NELL2: variants seen among roughly 807,000 people sequenced by gnomAD.
NELL2 encodes neural EGFL like 2.
Under a neutral mutation model 109.6 loss-of-function variants are expected in NELL2, and 41 were observed. The ratio of observed to expected loss-of-function variants is 0.37; its 90% confidence interval spans 0.29 to 0.49. The LOEUF is 0.49. Among genes scored for constraint, NELL2 ranks in the 20% least tolerant of loss-of-function variants. NELL2 has a pLI of 0.98. For synonymous variants in NELL2, 355 were observed against 344.7 expected (o/e 1.03, Z -0.33); for missense variants, 900 against 1,008.3 (o/e 0.89, Z 1.45).
intron 2 of NELL2, among the ~76,000 whole-genome samples, chr12:44,854,892 T>C (rs1944639517): frequency 6.6e-6 from 1 of 152,130 alleles, no homozygotes; most frequent in African/African-American, 2.4e-5. Context: ...AGTTTTGCCG[T>C]TTACACCAGT....
At position 44,521,529 on chromosome 12, in the gene NELL2, CA is replaced by C. The variant is rs56713964; in HGVS notation, c.2175+470del. 1.8e-3 allele frequency among the ~76,000 whole-genome samples: 197 copies of C among 111,266 alleles called. 1 individual carries two copies. The highest frequency in any genetic ancestry group is 4.7e-3 in the Middle Eastern group (1 of 212). The allele number at this position is 111,266 out of a possible 152,430, so 73.0% of individuals were successfully genotyped here. A position where few individuals can be genotyped will look rare whatever the true frequency, so the allele number is the denominator to read the frequency against. ...TGGGCGACAGAGCGAGACTCCGTCTCAAAAAAAAAAAAAGAAGGTTGCGGTG... is the reference window on the plus strand; with the variant it reads ...TGGGCGACAGAGCGAGACTCCGTCTCAAAAAAAAAAAAGAAGGTTGCGGTG... On this transcript the variant is annotated intron_variant, in intron 18 of 19. Coordinates refer to ENST00000429094, the MANE Select transcript of NELL2 (RefSeq NM_001145108.2).
chr12:44,555,077 G>C (rs1054417195), intron 15 of NELL2, among the ~76,000 whole-genome samples: 8 of 152,194 alleles, frequency 5.3e-5, no homozygotes, highest in Middle Eastern at 3.2e-3. Flanking sequence ...ATTCTTCGTA[G>C]ATGATGCTGA....
intron 12 of NELL2, among the ~76,000 whole-genome samples, chr12:44,686,142 C>T (rs1293457346): frequency 1.3e-5 from 2 of 152,136 alleles, no homozygotes; most frequent in African/African-American, 4.8e-5. Flanking sequence ...CTAAACTTCC[C>T]TTCTCGCTTC....
intron 15 of NELL2, among the ~76,000 whole-genome samples, chr12:44,538,635 C>T (rs912368614): frequency 3.9e-5 from 6 of 152,114 alleles, no homozygotes; most frequent in Non-Finnish European, 5.9e-5. Flanking sequence ...CTGGGTAAGA[C>T]TAGAGGCCAT....
At position 44,523,384 on chromosome 12, in the gene NELL2, A is replaced by G. The variant is rs1476399775; in HGVS notation, c.1905T>C (p.Asn635=). 1 of 1,614,194 alleles carries G rather than the reference A, an allele frequency of 6.2e-7. No individual in the cohort carries two copies. Among genetic ancestry groups the G allele is most frequent in the Admixed American group, 1.7e-5 (1 of 60,032 alleles). ...CATCATGGATGCAGTCCCCTGTGCAATTCTTTCCATGAGGACATCGACAAT... is the reference window on the plus strand; with the variant it reads ...CATCATGGATGCAGTCCCCTGTGCAGTTCTTTCCATGAGGACATCGACAAT... ...GYDCRCPHGK[N]CTGDCIHDGK... is the part of the protein sequence containing the mutation. Residue 635 remains asparagine (N), a synonymous_variant, in exon 17 of 20, where the codon AAT becomes AAC. Transcript: ENST00000429094.
chr12:44,578,317 A>G (rs1182054778), intron 15 of NELL2, among the ~76,000 whole-genome samples: 1 of 152,156 alleles, frequency 6.6e-6, no homozygotes, highest in Admixed American at 6.6e-5. Context: ...CATATACTTA[A>G]ATATATAGAA....
chr12:44,730,277 T>C (rs1305198773), intron 9 of NELL2, among the ~76,000 whole-genome samples: 1 of 152,198 alleles, frequency 6.6e-6, no homozygotes, highest in East Asian at 1.9e-4. Context: ...AAAAACACTA[T>C]AGACTAAATG....
chr12:44,894,188 T>C (rs1344083067), intron 1 of NELL2, among the ~76,000 whole-genome samples: 1 of 152,202 alleles, frequency 6.6e-6, no homozygotes, highest in African/African-American at 2.4e-5. Flanking sequence ...GTCCCTGTAT[T>C]AAATTACTTT....
intron 12 of NELL2, among the ~76,000 whole-genome samples, chr12:44,667,825 C>A (rs1030044789): frequency 5.9e-5 from 9 of 152,290 alleles, no homozygotes; most frequent in African/African-American, 1.9e-4. Context: ...AGTGAAAGAT[C>A]TGCAGAGGTC....
At chr12:44,637,872 T>C (rs1471771248) in intron 13 of NELL2, among the ~76,000 whole-genome samples, 1 of 152,026 alleles carries the variant, frequency 6.6e-6, no homozygotes, top group East Asian at 1.9e-4. Flanking sequence ...CTCCTGTGTC[T>C]ATAATACTAG....
chr12:44,888,236 T>C (rs1293128987), intron 1 of NELL2, among the ~76,000 whole-genome samples: 2 of 152,068 alleles, frequency 1.3e-5, no homozygotes, highest in African/African-American at 2.4e-5. Context: ...TTGGTTACTA[T>C]AGCTTTGTAG....
At chr12:44,728,588 T>C (rs1452100728) in intron 9 of NELL2, among the ~76,000 whole-genome samples, 1 of 152,100 alleles carries the variant, frequency 6.6e-6, no homozygotes, top group African/African-American at 2.4e-5. Flanking sequence ...GCTGAAAACT[T>C]CCCAAATCTG....
chr12:44,692,892 T>A (rs1285371078), intron 12 of NELL2, among the ~76,000 whole-genome samples: 2 of 152,194 alleles, frequency 1.3e-5, no homozygotes, highest in East Asian at 1.9e-4. Flanking sequence ...TTTCTTGAGA[T>A]GAAATCTACT....
intron 2 of NELL2, among the ~76,000 whole-genome samples, chr12:44,864,819 C>G (rs1284610535): frequency 2.6e-5 from 4 of 152,128 alleles, no homozygotes; most frequent in Non-Finnish European, 5.9e-5. Context: ...CCTGTTAGAC[C>G]ATTAAAAAAG....
At chr12:44,675,670 A>C (rs181714087) in intron 12 of NELL2, among the ~76,000 whole-genome samples, 106 of 152,246 alleles carry the variant, frequency 7.0e-4, no homozygotes, top group African/African-American at 2.1e-3. Context: ...GCCAGAAACA[A>C]ATTAAAGAGG....
At chr12:44,876,343 A>T, upstream of NELL2, 1 of 1,185,250 alleles carries the variant, frequency 8.4e-7, no homozygotes, top group Non-Finnish European at 1.0e-6. Context: ...ACGCGCGGAG[A>T]GACTGCTCCT....
chr12:44,845,582 T>C (rs1262572768), intron 2 of NELL2, among the ~76,000 whole-genome samples: 1 of 152,216 alleles, frequency 6.6e-6, no homozygotes, highest in African/African-American at 2.4e-5. Flanking sequence ...TGGACAGCTT[T>C]GATTACAGAG....
intron 9 of NELL2, among the ~76,000 whole-genome samples, chr12:44,730,642 A>C (rs1178613826): frequency 2.0e-5 from 3 of 152,112 alleles, no homozygotes; most frequent in African/African-American, 7.2e-5. Context: ...GCAGTAAAAA[A>C]GGGAAGTTTA....
intron 9 of NELL2, among the ~76,000 whole-genome samples, chr12:44,752,642 G>A (rs915449483): frequency 6.6e-6 from 1 of 152,144 alleles, no homozygotes; most frequent in Non-Finnish European, 1.5e-5. Flanking sequence ...TCTGCATTTA[G>A]TTTCCTTGCT....
Sources: allele counts gnomAD v4.1 joint callset (sites outside exome capture counted in the v4.1 genomes callset), GRCh38; gene constraint gnomAD v4.1.1; transcripts MANE v1.5; gene names NCBI Gene and HGNC (gene_info 2026-07-23, HGNC 2026-07-21).